DENND1A: variants seen among roughly 807,000 people sequenced by gnomAD.
The protein encoded by DENND1A is DENN domain-containing protein 1A.
Under a neutral mutation model 113.7 loss-of-function variants are expected in DENND1A, and 51 were observed. That is an observed-to-expected ratio of 0.45 (90% confidence interval 0.36 to 0.57). DENND1A has a LOEUF of 0.57. Ranked by LOEUF, DENND1A falls within the 20% of genes least tolerant of loss-of-function variation. The pLI is 0.00. For missense variants in DENND1A, 1,258 were observed against 1,395.9 expected (o/e 0.90, Z 1.57); for synonymous variants, 565 against 570.8 (o/e 0.99, Z 0.14).
At chr9:123,574,105 T>C (rs1280242352) in intron 12 of DENND1A, among the ~76,000 whole-genome samples, 1 of 151,650 alleles carries the variant, frequency 6.6e-6, no homozygotes, top group Non-Finnish European at 1.5e-5. Context: ...TCCTTTTTTA[T>C]ATATTGCTGG....
rs376171091 is a variant in DENND1A, at chr9:123,408,199, G to A, written c.1542+3577C>T. Among the ~76,000 whole-genome samples, 11 of 152,328 alleles carry A rather than the reference G, an allele frequency of 7.2e-5. No homozygotes were observed. In the East Asian group the frequency reaches 1.4e-3, roughly 19 times the overall value. On this transcript the variant is annotated intron_variant, in intron 20 of 23. Coordinates refer to ENST00000394215, the MANE Select transcript of DENND1A (RefSeq NM_001352964.2). ...GCCACACTGGAGGCTGATGGCTCCT[G>A]ACATGGGAGCTTGGTAGGCTGTTCT...
At chr9:123,583,028 G>A (rs1209310822) in intron 12 of DENND1A, 141 bp downstream of exon 12, 2 of 609,724 alleles carry the variant, frequency 3.3e-6, no homozygotes, top group Non-Finnish European at 5.7e-6. Context: ...TGAGACAAAG[G>A]TTTCAATGCA....
intron 15 of DENND1A, 127 bp from the exon 16 acceptor site, chr9:123,454,906 G>A (rs1348700127): frequency 4.9e-6 from 4 of 823,994 alleles, no homozygotes; most frequent in South Asian, 3.2e-5. Flanking sequence ...GGAGTGCAGT[G>A]GTGCGATCTC....
At chr9:123,653,381 A>G (rs1215550199) in intron 8 of DENND1A, among the ~76,000 whole-genome samples, 1 of 152,206 alleles carries the variant, frequency 6.6e-6, no homozygotes, top group Non-Finnish European at 1.5e-5. Context: ...TCTTTCCAAT[A>G]TAAAGTCTGG....
In DENND1A at chr9:123,401,331, C is replaced by T. The variant is rs893062319; in HGVS notation, c.1631+2071G>A. 6 of 245,444 alleles carry T rather than the reference C, an allele frequency of 2.4e-5. No individual in the cohort carries two copies. The East Asian group carries it at 4.3e-4, about 18-fold the overall frequency. The allele number at this position is 245,444 out of a possible 1,614,324, so 15.2% of individuals were successfully genotyped here. A position where few individuals can be genotyped will look rare whatever the true frequency, so the allele number is the denominator to read the frequency against. ...GTTGTGACATGGCATTTGGAAGGGG[C>T]GGAGCACAGTGGGGGGGTGGGGAAG... On this transcript the variant is annotated intron_variant, in intron 21 of 23. Coordinates refer to ENST00000394215, the MANE Select transcript of DENND1A (RefSeq NM_001352964.2).
At chr9:123,486,069 G>T (rs902156730) in intron 13 of DENND1A, among the ~76,000 whole-genome samples, 2 of 152,218 alleles carry the variant, frequency 1.3e-5, no homozygotes, top group African/African-American at 4.8e-5. Context: ...GGTGGGAAGA[G>T]AAGAGATCGA....
intron 12 of DENND1A, among the ~76,000 whole-genome samples, chr9:123,577,175 T>G (rs2058678861): frequency 6.6e-6 from 1 of 152,226 alleles, no homozygotes; most frequent in South Asian, 2.1e-4. Flanking sequence ...TTCCAGTCTT[T>G]TTTCTTTCTT....
chr9:123,486,543 C>G (rs533120758), intron 13 of DENND1A, among the ~76,000 whole-genome samples: 1 of 151,974 alleles, frequency 6.6e-6, no homozygotes, highest in Non-Finnish European at 1.5e-5. Flanking sequence ...CCTAAAGCAC[C>G]CCTTTGATCT....
intron 13 of DENND1A, among the ~76,000 whole-genome samples, chr9:123,486,579 G>A (rs2050887424): frequency 6.6e-6 from 1 of 152,072 alleles, no homozygotes; most frequent in Admixed American, 6.6e-5. Context: ...TGGCCAACAG[G>A]AGCCTCTTGG....
chr9:123,534,096 T>C (rs992351332), intron 13 of DENND1A, among the ~76,000 whole-genome samples: 3 of 152,248 alleles, frequency 2.0e-5, no homozygotes, highest in Non-Finnish European at 4.4e-5. Flanking sequence ...ATGGAACTTA[T>C]ATTAAGCAAC....
chr9:123,802,523 T>A (rs1409114608), intron 2 of DENND1A, among the ~76,000 whole-genome samples: 1 of 192 alleles, frequency 5.2e-3, no homozygotes, highest in Non-Finnish European at 0.011. Flanking sequence ...CACCCTCTAC[T>A]CCTACGGTCA....
intron 2 of DENND1A, among the ~76,000 whole-genome samples, chr9:123,822,999 C>A (rs146622869): frequency 6.6e-6 from 1 of 152,280 alleles, no homozygotes; most frequent in East Asian, 1.9e-4. Flanking sequence ...CAATTTAAGT[C>A]TCACATCAAC....
chr9:123,916,990 C>A lies in DENND1A; in HGVS notation c.17+12899G>T, dbSNP rs183222371. ...AGATCACTTGAGGTCAGGAGACCAG[C>A]CTGGCCAAAAAAGTGAAACCCTGTC... On this transcript the variant is annotated intron_variant, in intron 1 of 23. Coordinates refer to ENST00000394215, the MANE Select transcript of DENND1A (RefSeq NM_001352964.2). 1.1e-3 allele frequency among the ~76,000 whole-genome samples: 174 copies of A among 151,960 alleles called. 1 individual carries two copies. The highest frequency in any genetic ancestry group is 4.1e-3 in the African/African-American group (169 of 41,486).
chr9:123,887,424 G>A (rs1466454410), intron 1 of DENND1A, among the ~76,000 whole-genome samples: 1 of 152,136 alleles, frequency 6.6e-6, no homozygotes, highest in Non-Finnish European at 1.5e-5. Flanking sequence ...CCTGGTGTGG[G>A]AAGTCAGAAC....
chr9:123,476,582 C>T (rs774220994), intron 13 of DENND1A, among the ~76,000 whole-genome samples: 15 of 152,222 alleles, frequency 9.9e-5, no homozygotes, highest in East Asian at 1.9e-4. Context: ...TTTCAATGCC[C>T]GTTCCTGGGC....
At chr9:123,810,549 C>CA (rs1159557273) in intron 2 of DENND1A, among the ~76,000 whole-genome samples, 5,955 of 46,532 alleles carry the variant, frequency 0.13, 397 homozygotes, top group African/African-American at 0.21. Flanking sequence ...CATGTCTCTA[C>CA]AAAAAAAAAA....
intron 13 of DENND1A, among the ~76,000 whole-genome samples, chr9:123,554,937 A>T (rs1393676356): frequency 6.6e-6 from 1 of 152,244 alleles, no homozygotes; most frequent in African/African-American, 2.4e-5. Context: ...AACTATCATA[A>T]GACAGACTTT....
intron 13 of DENND1A, among the ~76,000 whole-genome samples, chr9:123,505,398 G>A (rs2134352569): frequency 6.6e-6 from 1 of 152,312 alleles, no homozygotes; most frequent in Non-Finnish European, 1.5e-5. Context: ...GGATTGCGAA[G>A]TGGGATTCAC....
At chr9:123,612,996 C>T (rs2060483035) in intron 10 of DENND1A, among the ~76,000 whole-genome samples, 1 of 152,130 alleles carries the variant, frequency 6.6e-6, no homozygotes. Flanking sequence ...AGCCCTGGTT[C>T]TGTAGCATAC....
Sources: gnomAD v4.1 joint callset for allele counts (sites outside exome capture counted in the v4.1 genomes callset) on GRCh38, gnomAD v4.1.1 for gene constraint, MANE v1.5 for transcripts, NCBI Gene and HGNC (gene_info 2026-07-23, HGNC 2026-07-21) for gene names.